Variants in CTNNA3 observed in about 807,000 individuals in gnomAD.
CTNNA3 encodes catenin alpha 3.
A neutral mutation model predicts 95.7 loss-of-function variants in CTNNA3; 76 were observed. The ratio of observed to expected loss-of-function variants is 0.79; its 90% CI spans 0.66 to 0.96. The LOEUF (loss-of-function observed/expected upper bound fraction) is 0.96. Among genes scored for constraint, CTNNA3 ranks in the 40% least tolerant of loss-of-function variants. CTNNA3 has a pLI of 0.00. For synonymous variants in CTNNA3, 431 were observed against 374.4 expected (o/e 1.15, Z -1.74); for missense variants, 1,191 against 1,089.8 (o/e 1.09, Z -1.31).
chr10:65,996,990 T>C (rs10996816), intron 15 of CTNNA3, among the ~76,000 whole-genome samples: 23,125 of 152,166 alleles, frequency 0.15, 4,300 homozygotes, highest in African/African-American at 0.44. Flanking sequence ...CTTTATTTTT[T>C]AAATCTGTTT....
At chr10:67,218,833 T>A (rs1864511329) in intron 6 of CTNNA3, among the ~76,000 whole-genome samples, 1 of 152,338 alleles carries the variant, frequency 6.6e-6, no homozygotes, top group South Asian at 2.1e-4. Context: ...TTGTTCTCCT[T>A]CAGTCTATGT....
rs1014092698 is a variant in CTNNA3, at chr10:67,632,914, C to T, written c.99+14501G>A. 4.6e-5 allele frequency among the ~76,000 whole-genome samples: 7 copies of T among 152,128 alleles called. No homozygotes were observed. The East Asian group carries it at 1.3e-3, about 29-fold the overall frequency. ...TTCTGCAGGCCTGCTCCCACAGCACCCCACAAGTTAAGACCCACTGATTGG... is the reference window on the plus strand; with the variant it reads ...TTCTGCAGGCCTGCTCCCACAGCACTCCACAAGTTAAGACCCACTGATTGG... On this transcript the variant is annotated intron_variant, in intron 2 of 17. Coordinates refer to ENST00000433211, the MANE Select transcript of CTNNA3 (RefSeq NM_013266.4).
At chr10:67,749,432 T>G (rs1344070721) in intron 1 of CTNNA3, among the ~76,000 whole-genome samples, 1 of 152,090 alleles carries the variant, frequency 6.6e-6, no homozygotes. Flanking sequence ...CCTCAGCAAA[T>G]GCAAAAGAAC....
intron 13 of CTNNA3, among the ~76,000 whole-genome samples, chr10:66,171,419 A>C (rs780526798): frequency 9.6e-4 from 146 of 151,666 alleles, no homozygotes; most frequent in Non-Finnish European, 1.9e-3. Context: ...GGTGGTGGGC[A>C]CCCGTAACCC....
chr10:67,290,244 G>GAGATCAA (rs1839782141), intron 5 of CTNNA3, among the ~76,000 whole-genome samples: 1 of 152,056 alleles, frequency 6.6e-6, no homozygotes, highest in South Asian at 2.1e-4. Context: ...TTTTATTTTG[G>GAGATCAA]TTTATTGGAG....
intron 13 of CTNNA3, among the ~76,000 whole-genome samples, chr10:66,128,471 A>G (rs11817346): frequency 0.11 from 17,414 of 151,968 alleles, 1,402 homozygotes; most frequent in African/African-American, 0.23. Context: ...CACAAGCATG[A>G]AAAAAAAGCT....
chr10:66,845,714 A>AAAAC (rs1843233480), intron 7 of CTNNA3, among the ~76,000 whole-genome samples: 1 of 128,968 alleles, frequency 7.8e-6, no homozygotes, highest in African/African-American at 2.9e-5. Flanking sequence ...AAAAAAAAAA[A>AAAAC]AAAAAAAAAA....
intron 6 of CTNNA3, among the ~76,000 whole-genome samples, chr10:67,214,672 G>C (rs1864273592): frequency 6.6e-6 from 1 of 151,598 alleles, no homozygotes; most frequent in African/African-American, 2.4e-5. Flanking sequence ...TTTGGGACTG[G>C]GTAAAAATAT....
chr10:67,346,603 C>T (rs545969314), intron 5 of CTNNA3: 126 of 342,282 alleles, frequency 3.7e-4, no homozygotes, highest in Non-Finnish European at 6.3e-4. Context: ...TTAAAGGGCA[C>T]ACTGTATATG....
intron 14 of CTNNA3, among the ~76,000 whole-genome samples, chr10:66,072,073 G>A (rs2080447924): frequency 6.6e-6 from 1 of 152,138 alleles, no homozygotes; most frequent in Non-Finnish European, 1.5e-5. Flanking sequence ...CTGTTATATT[G>A]CAAGAGCAGT....
intron 9 of CTNNA3, among the ~76,000 whole-genome samples, chr10:66,645,163 A>G (rs1158788246): frequency 6.6e-6 from 1 of 151,956 alleles, no homozygotes; most frequent in Non-Finnish European, 1.5e-5. Flanking sequence ...TTTAGCTTGT[A>G]ATTTTATTCT....
intron 10 of CTNNA3, among the ~76,000 whole-genome samples, chr10:66,573,744 T>C (rs1299400594): frequency 1.3e-5 from 2 of 152,186 alleles, no homozygotes; most frequent in East Asian, 1.9e-4. Flanking sequence ...TTCTTACTTA[T>C]AATGAATTAG....
chr10:66,793,428 C>T lies in CTNNA3; in HGVS notation c.1048-17904G>A, dbSNP rs537360363. Reference sequence around the variant, plus strand: ...AAACTGTTAGGATTACAGGCATGAGCCACTGCAACTTTATATCCTGAAATT... The same window carrying T: ...AAACTGTTAGGATTACAGGCATGAGTCACTGCAACTTTATATCCTGAAATT... On this transcript the variant is annotated intron_variant, in intron 7 of 17. Coordinates refer to ENST00000433211, the MANE Select transcript of CTNNA3 (RefSeq NM_013266.4). Among the ~76,000 whole-genome samples the T allele has an allele frequency of 1.5e-4, 23 of 152,252 alleles. 1 individual carries two copies. The South Asian group carries it at 4.1e-3, about 27-fold the overall frequency.
Position 67,483,317 on chromosome 10 carries a change from C to G in CTNNA3, c.579+38525G>C, listed in dbSNP as rs999299853. On this transcript the variant is annotated intron_variant, in intron 5 of 17. Transcript: ENST00000433211. ...ATGCTGCTATAAAGACACATGCACA[C>G]ATATGTTTATTGCGGCACTCTTCAC... 6.3e-5 allele frequency among the ~76,000 whole-genome samples: 9 copies of G among 143,566 alleles called. 1 individual carries two copies. The highest frequency in any genetic ancestry group is 1.0e-4 in the Non-Finnish European group (7 of 67,614). 94.2% of individuals were successfully genotyped at this position (143,566 alleles called of 152,430 possible).
At chr10:66,722,194 T>C (rs548221778) in intron 9 of CTNNA3, among the ~76,000 whole-genome samples, 2 of 152,050 alleles carry the variant, frequency 1.3e-5, no homozygotes, top group South Asian at 2.1e-4. Context: ...ATGGCTAACA[T>C]GGTGAAACCC....
intron 7 of CTNNA3, among the ~76,000 whole-genome samples, chr10:66,996,649 C>CAAAAAAAAAAAAAAAAAAAAAA (rs57025097): frequency 5.9e-5 from 4 of 67,636 alleles, no homozygotes; most frequent in African/African-American, 2.4e-4. Context: ...TCCGTCTCTA[C>CAAAAAAAAAAAAAAAAAAAAAA]AAAAAAAAAA....
intron 5 of CTNNA3, among the ~76,000 whole-genome samples, chr10:67,226,788 A>G (rs1402192987): frequency 6.6e-6 from 1 of 152,212 alleles, no homozygotes; most frequent in Non-Finnish European, 1.5e-5. Flanking sequence ...AGCAGAAATC[A>G]TACAGGACCT....
chr10:66,240,110 T>A (rs1437036982), intron 13 of CTNNA3, among the ~76,000 whole-genome samples: 1 of 152,004 alleles, frequency 6.6e-6, no homozygotes, highest in Non-Finnish European at 1.5e-5. Flanking sequence ...TTTATTATAA[T>A]GGTAATTGAT....
chr10:67,486,688 C>T (rs1161047789), intron 5 of CTNNA3, among the ~76,000 whole-genome samples: 2 of 152,160 alleles, frequency 1.3e-5, no homozygotes, highest in African/African-American at 4.8e-5. Context: ...CAAATAACTG[C>T]TAGCTGCACT....
Sources: allele counts gnomAD v4.1 joint callset (sites outside exome capture counted in the v4.1 genomes callset), GRCh38; gene constraint gnomAD v4.1.1; transcripts MANE v1.5; gene names NCBI Gene and HGNC (gene_info 2026-07-23, HGNC 2026-07-21).